The following RABGEF1 variants were observed in gnomAD, a reference collection of about 807,000 sequenced individuals.
RABGEF1 encodes the protein RAB guanine nucleotide exchange factor 1, also known as rab5 GDP/GTP exchange factor.
RABGEF1 carries 26 observed loss-of-function variants against 57.3 expected under a neutral mutation model. That is an observed-to-expected ratio of 0.45 (90% CI 0.33 to 0.63). The LOEUF is 0.63. Among genes scored for constraint, RABGEF1 ranks in the 20% least tolerant of loss-of-function variants. The probability of loss-of-function intolerance (pLI) is 0.02; values close to 1 mark genes in which losing one functional copy is unlikely to be tolerated. For missense variants in RABGEF1, 464 were observed against 607.6 expected (o/e 0.76, Z 2.48); for synonymous variants, 185 against 210.7 (o/e 0.88, Z 1.06).
chr7:66,697,668 G>A (rs1444052437), intron 1 of RABGEF1, among the ~76,000 whole-genome samples: 2 of 152,114 alleles, frequency 1.3e-5, no homozygotes, highest in Admixed American at 6.5e-5. Context: ...TTAGCAGGGC[G>A]GGGGTAGCTG....
chr7:66,783,784 A>C lies in RABGEF1; in HGVS notation c.456A>C (p.Thr152=). 1 of 1,613,604 alleles carries C rather than the reference A, an allele frequency of 6.2e-7. No homozygotes were observed. Among genetic ancestry groups the C allele is most frequent in the African/African-American group, 1.3e-5 (1 of 75,020 alleles). ...AATTTCTCAAGACCTTCCACAAGAC[A>C]GGCCAAGAAATCTATAAACAGACCA... ...FIEFLKTFHK[T]GQEIYKQTKL... The change falls in exon 4 of 9, where the codon ACA becomes ACC. Residue 152 remains threonine (T), a synonymous_variant. Coordinates refer to ENST00000284957, the MANE Select transcript of RABGEF1 (RefSeq NM_014504.3).
At chr7:66,795,995 C>T (rs1181658950) in intron 5 of RABGEF1, among the ~76,000 whole-genome samples, 2 of 152,050 alleles carry the variant, frequency 1.3e-5, no homozygotes, top group Admixed American at 6.6e-5. Flanking sequence ...AAAAAGTAGC[C>T]GGGTGTTGTG....
At chr7:66,748,417 T>G (rs1800721178) in intron 1 of RABGEF1, among the ~76,000 whole-genome samples, 3 of 152,238 alleles carry the variant, frequency 2.0e-5, no homozygotes, top group Non-Finnish European at 4.4e-5. Context: ...GGTTTGAGTT[T>G]GTGCTTCCTC....
chr7:66,784,450 A>G (rs998655239), intron 4 of RABGEF1, among the ~76,000 whole-genome samples: 2 of 152,346 alleles, frequency 1.3e-5, no homozygotes, highest in Middle Eastern at 3.4e-3. Flanking sequence ...TCTTTTACCC[A>G]TAATTTCAGT....
chr7:66,786,432 G>A (rs1200928702), intron 4 of RABGEF1, among the ~76,000 whole-genome samples: 3 of 151,900 alleles, frequency 2.0e-5, no homozygotes, highest in African/African-American at 7.3e-5. Flanking sequence ...GAAGCAGTGT[G>A]TTGCTCTATC....
At chr7:66,706,631 G>A (rs937316893) in intron 1 of RABGEF1, among the ~76,000 whole-genome samples, 2 of 151,470 alleles carry the variant, frequency 1.3e-5, no homozygotes, top group Non-Finnish European at 2.9e-5. Flanking sequence ...GGATGGTCTC[G>A]ATCTCCTGAC....
At chr7:66,756,829 T>TA (rs1320312474) in intron 1 of RABGEF1, among the ~76,000 whole-genome samples, 6 of 152,182 alleles carry the variant, frequency 3.9e-5, no homozygotes, top group African/African-American at 1.2e-4. Context: ...GCTGACCAGT[T>TA]ATTGCAACAC....
At chr7:66,797,837 CA>C (rs1255733857) in intron 6 of RABGEF1, among the ~76,000 whole-genome samples, 1 of 152,158 alleles carries the variant, frequency 6.6e-6, no homozygotes, top group Non-Finnish European at 1.5e-5. Context: ...GGTATCAAGG[CA>C]GGGGATGTCG....
At chr7:66,775,461 A>C in intron 3 of RABGEF1, 68 bp downstream of exon 3, 1 of 1,547,174 alleles carries the variant, frequency 6.5e-7, no homozygotes, top group Non-Finnish European at 8.8e-7. Flanking sequence ...CCCAATGCTC[A>C]TAAGCTCAGC....
At chr7:66,674,644 C>T in the RABGEF1 span, among the ~76,000 whole-genome samples, 3 of 152,060 alleles carry the variant, frequency 2.0e-5, no homozygotes, top group African/African-American at 7.2e-5. Context: ...TACTGGTACA[C>T]ACAATATGGT....
chr7:66,698,831 ACTC>A (rs1385946629), intron 1 of RABGEF1, among the ~76,000 whole-genome samples: 1 of 151,876 alleles, frequency 6.6e-6, no homozygotes, highest in Non-Finnish European at 1.5e-5. Context: ...CCACCCTGGT[ACTC>A]CTCCACCTTT....
intron 2 of RABGEF1, among the ~76,000 whole-genome samples, chr7:66,718,963 CTGCAT>C (rs1795702284): frequency 6.6e-6 from 1 of 152,242 alleles, no homozygotes; most frequent in African/African-American, 2.4e-5. Flanking sequence ...CTTCTTACGA[CTGCAT>C]CTTTCTTCAG....
At chr7:66,659,774 A>G in the RABGEF1 span, among the ~76,000 whole-genome samples, 1 of 151,558 alleles carries the variant, frequency 6.6e-6, no homozygotes, top group Non-Finnish European at 1.5e-5. Flanking sequence ...GTGAGACTCC[A>G]TCTCAAAAAA....
rs918445701 is a variant in RABGEF1 at position 66,703,208 on chromosome 7, C to T, written c.-872-8959C>T. Among the ~76,000 whole-genome samples, 21 of 152,136 alleles carry T rather than the reference C, an allele frequency of 1.4e-4. 1 individual carries two copies. The highest frequency in any genetic ancestry group is 1.0e-3 in the Admixed American group (16 of 15,258). ...ACAGAATGGTCTCATCTCCTGACCT[C>T]GTGCCCGCCCGCCTTGGCCTCCCAA... On this transcript the variant is annotated intron_variant and NMD_transcript_variant, in intron 1 of 9. Transcript: ENST00000607882.
intron 1 of RABGEF1, among the ~76,000 whole-genome samples, chr7:66,744,171 G>A (rs984518646): frequency 2.0e-5 from 3 of 151,686 alleles, no homozygotes; most frequent in Admixed American, 2.0e-4. Context: ...GAGTAGCTGG[G>A]ACTGACCATA....
the RABGEF1 span, among the ~76,000 whole-genome samples, chr7:66,664,131 TA>T: frequency 7.4e-6 from 1 of 135,286 alleles, no homozygotes; most frequent in Non-Finnish European, 1.6e-5. Context: ...TTGAGTAAAA[TA>T]AGGAGTGAAA....
At chr7:66,660,220 C>T in the RABGEF1 span, among the ~76,000 whole-genome samples, 4 of 151,932 alleles carry the variant, frequency 2.6e-5, no homozygotes, top group African/African-American at 7.2e-5. Flanking sequence ...TGGTGGCGGG[C>T]GCCTGTAGTC....
chr7:66,752,266 G>A (rs1380854826), intron 1 of RABGEF1, among the ~76,000 whole-genome samples: 1 of 152,056 alleles, frequency 6.6e-6, no homozygotes, highest in Non-Finnish European at 1.5e-5. Flanking sequence ...GTCCGAGGTG[G>A]ACGGATCACA....
intron 1 of RABGEF1, among the ~76,000 whole-genome samples, chr7:66,742,141 A>G (rs1195677611): frequency 7.5e-6 from 1 of 134,044 alleles, no homozygotes; most frequent in East Asian, 2.4e-4. Context: ...ACAGAGCTAG[A>G]CTCTATCTCA....
Sources: allele counts gnomAD v4.1 joint callset (sites outside exome capture counted in the v4.1 genomes callset), GRCh38; gene constraint gnomAD v4.1.1; transcripts MANE v1.5; gene names NCBI Gene and HGNC (gene_info 2026-07-23, HGNC 2026-07-21).